The following KIFAP3 variants were observed in gnomAD, a reference collection of about 807,000 sequenced individuals.
KIFAP3 encodes kinesin-associated protein 3.
A neutral mutation model predicts 106.5 loss-of-function variants in KIFAP3; 68 were observed. The ratio of observed to expected loss-of-function variants is 0.64; its 90% confidence interval spans 0.53 to 0.78. The LOEUF is 0.78. Among genes scored for constraint, KIFAP3 ranks in the 30% least tolerant of loss-of-function variants. The pLI, the probability that KIFAP3 is intolerant of heterozygous loss-of-function variation, is 0.00. For missense variants in KIFAP3, 780 were observed against 941.8 expected (o/e 0.83, Z 2.25); for synonymous variants, 320 against 311.5 (o/e 1.03, Z -0.29).
chr1:170,027,559 TA>T (rs1241990581), intron 8 of KIFAP3, among the ~76,000 whole-genome samples: 2 of 152,136 alleles, frequency 1.3e-5, no homozygotes, highest in Non-Finnish European at 2.9e-5. Flanking sequence ...CTTGAGACTA[TA>T]AACTAGATGA....
At chr1:170,084,844 T>G (rs1672078425) in intron 1 of KIFAP3, among the ~76,000 whole-genome samples, 1 of 152,146 alleles carries the variant, frequency 6.6e-6, no homozygotes, top group Admixed American at 6.5e-5. Context: ...GAGGACCCAT[T>G]GAAGAATTTT....
intron 1 of KIFAP3, among the ~76,000 whole-genome samples, chr1:170,072,795 C>CATG (rs1671764473): frequency 6.6e-6 from 1 of 152,148 alleles, no homozygotes; most frequent in African/African-American, 2.4e-5. Context: ...TGTATAAATA[C>CATG]ATGTCTCCTG....
intron 19 of KIFAP3, among the ~76,000 whole-genome samples, chr1:169,932,685 C>A (rs1034114944): frequency 2.3e-4 from 33 of 145,098 alleles, no homozygotes; most frequent in Admixed American, 1.9e-3. Flanking sequence ...TGACATAACA[C>A]CAGACTTTTT....
chr1:170,039,410 G>A, intron 3 of KIFAP3, 122 bp from the exon 4 acceptor site: 1 of 564,632 alleles, frequency 1.8e-6, no homozygotes, highest in Non-Finnish European at 3.2e-6. Context: ...AATAGTTTAT[G>A]AAATAATCTC....
intron 17 of KIFAP3, among the ~76,000 whole-genome samples, chr1:169,966,432 G>T (rs1665626527): frequency 7.2e-6 from 1 of 138,444 alleles, no homozygotes; most frequent in Non-Finnish European, 1.5e-5. Context: ...TGTGTGTATG[G>T]TTCTTTGTTA....
chr1:170,046,588 G>T, intron 3 of KIFAP3, 124 bp downstream of exon 3: 1 of 696,776 alleles, frequency 1.4e-6, no homozygotes, highest in Non-Finnish European at 2.3e-6. Context: ...CATAACACTG[G>T]TGAAAAAAAC....
At chr1:169,969,274 GT>G (rs1255392225) in intron 17 of KIFAP3, among the ~76,000 whole-genome samples, 1 of 151,916 alleles carries the variant, frequency 6.6e-6, no homozygotes, top group Non-Finnish European at 1.5e-5. Context: ...AACCTTCTCT[GT>G]AACTTCTCTT....
At chr1:170,003,289 T>C (rs1466944129) in intron 10 of KIFAP3, among the ~76,000 whole-genome samples, 1 of 152,192 alleles carries the variant, frequency 6.6e-6, no homozygotes. Context: ...GGACCATACT[T>C]TGAGTATCAC....
chr1:169,983,498 G>A, intron 12 of KIFAP3, 116 bp from the exon 13 acceptor site: 1 of 669,794 alleles, frequency 1.5e-6, no homozygotes, highest in Non-Finnish European at 2.6e-6. Flanking sequence ...AACTCTTAAG[G>A]GTACAATTTG....
At chr1:170,044,139 G>A (rs1670124177) in intron 3 of KIFAP3, among the ~76,000 whole-genome samples, 1 of 152,184 alleles carries the variant, frequency 6.6e-6, no homozygotes, top group Non-Finnish European at 1.5e-5. Context: ...TGTAAGGGTG[G>A]ATAGGATTAT....
At chr1:170,060,692 C>T (rs990567585) in intron 1 of KIFAP3, among the ~76,000 whole-genome samples, 2 of 152,026 alleles carry the variant, frequency 1.3e-5, no homozygotes, top group Non-Finnish European at 2.9e-5. Context: ...AAAAACAGCC[C>T]GCATCACCAA....
At chr1:169,989,883 A>G (rs1667013703) in intron 11 of KIFAP3, among the ~76,000 whole-genome samples, 1 of 152,114 alleles carries the variant, frequency 6.6e-6, no homozygotes, top group Non-Finnish European at 1.5e-5. Flanking sequence ...GAATTAATAA[A>G]AAGTTATGGT....
At chr1:169,980,822 C>T (rs574366213) in intron 15 of KIFAP3, among the ~76,000 whole-genome samples, 3 of 152,280 alleles carry the variant, frequency 2.0e-5, no homozygotes, top group Non-Finnish European at 2.9e-5. Flanking sequence ...AGTGATATAG[C>T]CGGGCACAGT....
At chr1:169,957,573 C>T (rs1161330823) in intron 18 of KIFAP3, among the ~76,000 whole-genome samples, 2 of 152,030 alleles carry the variant, frequency 1.3e-5, no homozygotes, top group Non-Finnish European at 2.9e-5. Context: ...TCAGTATCTT[C>T]TTATATATCA....
chr1:169,986,066 T>C (rs1042626514), intron 11 of KIFAP3, among the ~76,000 whole-genome samples: 2 of 150,240 alleles, frequency 1.3e-5, no homozygotes, highest in African/African-American at 2.4e-5. Flanking sequence ...AAAAACTTAC[T>C]ATGTTTTATC....
At chr1:169,975,060 GT>G (rs1177480524) in intron 16 of KIFAP3, among the ~76,000 whole-genome samples, 1 of 151,924 alleles carries the variant, frequency 6.6e-6, no homozygotes, top group African/African-American at 2.4e-5. Context: ...GTAAATAGTT[GT>G]TATACTGTAT....
chr1:169,979,629 C>A (rs1244219047), intron 15 of KIFAP3, among the ~76,000 whole-genome samples: 2 of 151,958 alleles, frequency 1.3e-5, no homozygotes, highest in Admixed American at 1.3e-4. Context: ...ACTGACAATG[C>A]CCAGTATTGG....
At position 170,039,897 on chromosome 1, in the gene KIFAP3, C is replaced by T. The variant is rs561671682; in HGVS notation, c.320-609G>A. On this transcript the variant is annotated intron_variant, in intron 3 of 19. Transcript: ENST00000361580. ...GTGTTGAACACAAGTTTGAGCCATT[C>T]GTTTATATTGAATTATCTGATTAAT... Among the ~76,000 whole-genome samples the T allele has an allele frequency of 2.6e-5, 4 of 151,968 alleles. No individual in the cohort carries two copies. The Middle Eastern group carries it at 0.01, about 388-fold the overall frequency.
At chr1:169,993,097 T>C (rs1302244118) in intron 10 of KIFAP3, among the ~76,000 whole-genome samples, 1 of 149,542 alleles carries the variant, frequency 6.7e-6, no homozygotes, top group East Asian at 2.0e-4. Flanking sequence ...TGGTATTTTC[T>C]TTTCTGTCCT....
Sources: allele counts gnomAD v4.1 joint callset (sites outside exome capture counted in the v4.1 genomes callset), GRCh38; gene constraint gnomAD v4.1.1; transcripts MANE v1.5; gene names NCBI Gene and HGNC (gene_info 2026-07-23, HGNC 2026-07-21).